The following CCBE1 variants were observed in gnomAD, a reference collection of about 807,000 sequenced individuals.
The protein encoded by CCBE1 is collagen and calcium binding EGF domains 1.
In CCBE1, 37 loss-of-function variants were observed where a neutral mutation model predicts 50.0. The ratio of observed to expected loss-of-function variants is 0.74; its 90% CI spans 0.57 to 0.97. The LOEUF is 0.97. Among genes scored for constraint, CCBE1 ranks in the 50% least tolerant of loss-of-function variants. The pLI is 0.00. For synonymous variants in CCBE1, 234 were observed against 203.7 expected (o/e 1.15, Z -1.27); for missense variants, 538 against 523.8 (o/e 1.03, Z -0.26).
chr18:59,603,227 A>C (rs1010126186), intron 2 of CCBE1, among the ~76,000 whole-genome samples: 4 of 152,234 alleles, frequency 2.6e-5, no homozygotes, highest in Non-Finnish European at 4.4e-5. Flanking sequence ...CCACCGCCTC[A>C]AATATTAGAG....
intron 2 of CCBE1, among the ~76,000 whole-genome samples, chr18:59,538,279 A>T (rs190190350): frequency 6.6e-6 from 1 of 152,364 alleles, no homozygotes; most frequent in Admixed American, 6.5e-5. Context: ...GTTCATCTTC[A>T]GTTGCCAAAA....
intron 2 of CCBE1, among the ~76,000 whole-genome samples, chr18:59,575,482 A>C (rs188512929): frequency 6.6e-6 from 1 of 152,226 alleles, no homozygotes; most frequent in South Asian, 2.1e-4. Context: ...GCATCCTCAG[A>C]CTGAGAATGT....
At chr18:59,576,617 C>T (rs909738819) in intron 2 of CCBE1, among the ~76,000 whole-genome samples, 3 of 152,266 alleles carry the variant, frequency 2.0e-5, no homozygotes, top group Admixed American at 6.5e-5. Flanking sequence ...AATTAAATTG[C>T]TTTTGCTGCC....
intron 2 of CCBE1, among the ~76,000 whole-genome samples, chr18:59,674,274 C>T (rs117485022): frequency 0.018 from 2,670 of 152,292 alleles, 35 homozygotes; most frequent in Non-Finnish European, 0.029. Flanking sequence ...GGCACATATA[C>T]ACCATGGAAT....
At chr18:59,473,709 CT>C (rs1262989556) in intron 3 of CCBE1, among the ~76,000 whole-genome samples, 42 of 147,320 alleles carry the variant, frequency 2.9e-4, no homozygotes, top group Non-Finnish European at 4.7e-4. Context: ...TACTCCCCCC[CT>C]ACTACTCACC....
chr18:59,560,246 G>A (rs1320078430), intron 2 of CCBE1, among the ~76,000 whole-genome samples: 2 of 152,208 alleles, frequency 1.3e-5, no homozygotes, highest in African/African-American at 4.8e-5. Flanking sequence ...GCAGTGCATG[G>A]GTATGCCCAT....
chr18:59,579,239 T>C (rs1409179780), intron 2 of CCBE1, among the ~76,000 whole-genome samples: 2 of 152,142 alleles, frequency 1.3e-5, no homozygotes, highest in East Asian at 1.9e-4. Flanking sequence ...TTGCTAAAAG[T>C]AGCTGGGAAA....
chr18:59,530,346 T>C (rs958563203), intron 2 of CCBE1, among the ~76,000 whole-genome samples: 6 of 152,196 alleles, frequency 3.9e-5, no homozygotes, highest in South Asian at 2.1e-4. Flanking sequence ...ATCTATAACA[T>C]TGAGTTGTGA....
At chr18:59,629,134 C>T (rs1340168083) in intron 2 of CCBE1, among the ~76,000 whole-genome samples, 1 of 152,180 alleles carries the variant, frequency 6.6e-6, no homozygotes, top group Non-Finnish European at 1.5e-5. Flanking sequence ...TAAGAGGTGC[C>T]TGCAATGGCT....
chr18:59,639,446 C>T lies in CCBE1; in HGVS notation c.212+57183G>A, dbSNP rs368774476. On this transcript the variant is annotated intron_variant, in intron 2 of 10. Coordinates refer to ENST00000439986, the MANE Select transcript of CCBE1 (RefSeq NM_133459.4). ...AAAGACTTTTCATAAAACTCAATGC[C>T]CCTTCATGTTAAAAAATCAACAAAT... Among the ~76,000 whole-genome samples, 29 of 152,192 alleles carry T rather than the reference C, an allele frequency of 1.9e-4. 1 individual carries two copies. In the East Asian group the frequency reaches 3.9e-3, roughly 20 times the overall value.
At chr18:59,486,245 C>T (rs1202864830) in intron 2 of CCBE1, among the ~76,000 whole-genome samples, 1 of 152,208 alleles carries the variant, frequency 6.6e-6, no homozygotes, top group Non-Finnish European at 1.5e-5. Flanking sequence ...TATGTTCTAG[C>T]TGCAGCTTTG....
At chr18:59,551,735 T>C (rs1915937972) in intron 2 of CCBE1, among the ~76,000 whole-genome samples, 1 of 152,244 alleles carries the variant, frequency 6.6e-6, no homozygotes, top group Non-Finnish European at 1.5e-5. Context: ...TGAAGTGGAA[T>C]ACTTTTGACA....
At chr18:59,551,586 C>T (rs1233124800) in intron 2 of CCBE1, among the ~76,000 whole-genome samples, 2 of 152,204 alleles carry the variant, frequency 1.3e-5, no homozygotes, top group East Asian at 1.9e-4. Flanking sequence ...ATATGCGGTC[C>T]ATCCTTGACA....
At chr18:59,597,520 T>C (rs990845645) in intron 2 of CCBE1, among the ~76,000 whole-genome samples, 8 of 152,048 alleles carry the variant, frequency 5.3e-5, no homozygotes, top group African/African-American at 1.7e-4. Flanking sequence ...GACCCAAGGC[T>C]CATTGGGTTG....
chr18:59,683,344 C>T (rs1568271900), intron 2 of CCBE1, among the ~76,000 whole-genome samples: 1 of 152,218 alleles, frequency 6.6e-6, no homozygotes, highest in Non-Finnish European at 1.5e-5. Context: ...AACACAACTC[C>T]TAAGATCACA....
In CCBE1 at chr18:59,448,109, A is replaced by G; in HGVS notation, c.655-6T>C. 6.2e-7 allele frequency: 1 copy of G among 1,613,910 alleles called. No homozygotes were observed. The highest frequency in any genetic ancestry group is 8.5e-7 in the Non-Finnish European group (1 of 1,179,990). The stretch of plus-strand genomic sequence containing the variant: ...TTGTTGGGGAGCAGAGCAATCTGCA[A>G]GGAGAAGAGGAAGCCTCAGTCAGGA... On this transcript the variant is annotated splice_polypyrimidine_tract_variant and splice_region_variant and intron_variant, in intron 6 of 10. Transcript: ENST00000439986.
intron 2 of CCBE1, among the ~76,000 whole-genome samples, chr18:59,486,106 A>G (rs1458624078): frequency 6.6e-6 from 1 of 152,078 alleles, no homozygotes; most frequent in Non-Finnish European, 1.5e-5. Context: ...CTTGCTCCTT[A>G]ATCTTGCTGA....
rs118183376 is a variant in CCBE1, at chr18:59,526,188, G to T, written c.213-45950C>A. 3.6e-3 allele frequency among the ~76,000 whole-genome samples: 543 copies of T among 151,946 alleles called. 1 individual carries two copies. The highest frequency in any genetic ancestry group is 5.3e-3 in the Non-Finnish European group (360 of 67,950). On this transcript the variant is annotated intron_variant, in intron 2 of 10. Transcript: ENST00000439986. Reference sequence around the variant, plus strand: ...ATTGATTTTTTGAAGGGTTTTTCGTGTATCTATCTCCTTCAGTTCCACTCT... The same window carrying T: ...ATTGATTTTTTGAAGGGTTTTTCGTTTATCTATCTCCTTCAGTTCCACTCT...
chr18:59,642,950 A>C (rs2054010057), intron 2 of CCBE1, among the ~76,000 whole-genome samples: 1 of 47,204 alleles, frequency 2.1e-5, no homozygotes, highest in African/African-American at 4.9e-5. Context: ...CTCCACCTCA[A>C]AAAAAAAAAA....
Sources: gnomAD v4.1 joint callset for allele counts (sites outside exome capture counted in the v4.1 genomes callset) on GRCh38, gnomAD v4.1.1 for gene constraint, MANE v1.5 for transcripts, NCBI Gene and HGNC (gene_info 2026-07-23, HGNC 2026-07-21) for gene names.